PPFIBP2: variants seen among roughly 807,000 people sequenced by gnomAD.
The protein encoded by PPFIBP2 is PPFIB scaffold protein 2.
In PPFIBP2, 118 loss-of-function variants were observed where a neutral mutation model predicts 118.3. The ratio of observed to expected loss-of-function variants is 1.00; its 90% CI spans 0.86 to 1.16. PPFIBP2 has a LOEUF of 1.16. Ranked by LOEUF, PPFIBP2 falls within the 50% of genes most tolerant of loss-of-function variation. The pLI, the probability that PPFIBP2 is intolerant of heterozygous loss-of-function variation, is 0.00. For synonymous variants in PPFIBP2, 414 were observed against 397.4 expected, an observed-to-expected ratio of 1.04 and a Z score of -0.50; for missense variants, 1,195 against 1,073.1, an observed-to-expected ratio of 1.11 and a Z score of -1.59.
rs1854364466 is a variant in PPFIBP2 at position 7,653,449 on chromosome 11, A to G, written c.*231A>G. The G allele has an allele frequency of 2.7e-6, 4 of 1,494,848 alleles. No homozygotes were observed. In the South Asian group the frequency reaches 4.9e-5, roughly 18 times the overall value. 92.6% of individuals were successfully genotyped at this position (1,494,848 alleles called of 1,614,324 possible). A position where few individuals can be genotyped will look rare whatever the true frequency, so the allele number is the denominator to read the frequency against. On this transcript the variant is annotated 3_prime_UTR_variant, in exon 24 of 24. Coordinates refer to ENST00000299492, the MANE Select transcript of PPFIBP2 (RefSeq NM_003621.5). ...TTGCCAAAGGTGGACTCAGGAGGAA[A>G]GACACTTAAAGACACTTTTACATGT...
intron 7 of PPFIBP2, among the ~76,000 whole-genome samples, chr11:7,623,079 C>T (rs879296794): frequency 6.6e-6 from 1 of 152,184 alleles, no homozygotes; most frequent in Non-Finnish European, 1.5e-5. Flanking sequence ...AACAGAGGCT[C>T]AGCGTGGCCA....
chr11:7,569,238 A>G (rs1855376630), intron 3 of PPFIBP2, among the ~76,000 whole-genome samples: 1 of 152,206 alleles, frequency 6.6e-6, no homozygotes, highest in Non-Finnish European at 1.5e-5. Flanking sequence ...GTCCTGGCAG[A>G]GCTAAAGCAC....
intron 1 of PPFIBP2, among the ~76,000 whole-genome samples, chr11:7,525,164 C>T (rs970444316): frequency 6.6e-6 from 1 of 152,170 alleles, no homozygotes; most frequent in Non-Finnish European, 1.5e-5. Context: ...CTCCCTAACT[C>T]CTGTGGGCCC....
intron 3 of PPFIBP2, among the ~76,000 whole-genome samples, chr11:7,579,030 A>G (rs1856863768): frequency 6.6e-6 from 1 of 151,282 alleles, no homozygotes; most frequent in African/African-American, 2.4e-5. Context: ...CAGGGAAGTG[A>G]CATGGGATAC....
In PPFIBP2 at chr11:7,565,708, C is replaced by T; in HGVS notation, c.220C>T (p.Leu74=). 6.2e-7 allele frequency: 1 copy of T among 1,614,196 alleles called. No individual in the cohort carries two copies. The highest frequency in any genetic ancestry group is 8.5e-7 in the Non-Finnish European group (1 of 1,180,016). ...GCTTCCTCAGGAGAGAGCAGCCCTC[C>T]TGAGCCAGATCCCTGGCCCAACAGC... The part of the protein sequence containing the change: ...LELPQERAAL[L]SQIPGPTAAY... The change falls in exon 3 of 24, where the codon CTG becomes TTG. Residue 74 remains leucine (L), a synonymous_variant. Coordinates refer to ENST00000299492, the MANE Select transcript of PPFIBP2 (RefSeq NM_003621.5).
intron 1 of PPFIBP2, among the ~76,000 whole-genome samples, chr11:7,542,639 C>A (rs953111603): frequency 6.6e-6 from 1 of 152,182 alleles, no homozygotes; most frequent in African/African-American, 2.4e-5. Flanking sequence ...TAAACAAAGT[C>A]TTCACCAATT....
chr11:7,652,501 C>G (rs749587102), intron 23 of PPFIBP2, among the ~76,000 whole-genome samples: 15 of 152,220 alleles, frequency 9.9e-5, no homozygotes, highest in Non-Finnish European at 2.2e-4. Context: ...CCAGCTACAA[C>G]TCAGGCACAG....
chr11:7,650,858 G>A lies in PPFIBP2; in HGVS notation c.2140G>A (p.Glu714Lys). ...PADESNLSPS[E>K]VVQWSNHRVM... ...CTGACAGAGTAACCTTTCTCCTTCA[G>A]AAGTTGTACAGTGGTCCAACCACAG... Residue 714 changes from glutamate to lysine, a missense_variant, in exon 22 of 24, where the codon GAA (glutamate) becomes AAA (lysine). Physicochemically the swap from Glu to Lys is moderately conservative, Grantham distance 56. Transcript: ENST00000299492. The A allele has an allele frequency of 6.2e-7, 1 of 1,613,940 alleles. No homozygotes were observed. Among genetic ancestry groups the A allele is most frequent in the Non-Finnish European group, 8.5e-7 (1 of 1,179,882 alleles).
At position 7,554,799 on chromosome 11, in the gene PPFIBP2, T is replaced by TGG. The variant is rs1221648845; in HGVS notation, c.64+5260_64+5261insGG. ...TGAATCCCAGGTGACTAGACTAGAC[T>TGG]AGACTAGACTAGACTAGATTGGGTC... On this transcript the variant is annotated intron_variant, in intron 2 of 23. Coordinates refer to ENST00000299492, the MANE Select transcript of PPFIBP2 (RefSeq NM_003621.5). Among the ~76,000 whole-genome samples the TGG allele has an allele frequency of 4.6e-3, 691 of 151,762 alleles. 4 individuals are homozygous for TGG. Among genetic ancestry groups the TGG allele is most frequent in the African/African-American group, 0.015 (610 of 41,152 alleles).
At position 7,651,070 on chromosome 11, in the gene PPFIBP2, C is replaced by T. The variant is rs1176624328; in HGVS notation, c.2247+105C>T. 5.4e-5 allele frequency: 67 copies of T among 1,237,784 alleles called. No homozygotes were observed. The East Asian group carries it at 1.5e-3, about 29-fold the overall frequency. The allele number at this position is 1,237,784 out of a possible 1,614,324, so 76.7% of individuals were successfully genotyped here. Reference sequence around the variant, plus strand: ...AAAAGCTAACGAAAAAAAATAGGTACTTCATCTGGAGGTCTTGCATAATTT... The same window carrying T: ...AAAAGCTAACGAAAAAAAATAGGTATTTCATCTGGAGGTCTTGCATAATTT... On this transcript the variant is annotated intron_variant, in intron 22 of 23. Transcript: ENST00000299492.
At chr11:7,621,282 C>T (rs986802800) in intron 7 of PPFIBP2, among the ~76,000 whole-genome samples, 1 of 152,260 alleles carries the variant, frequency 6.6e-6, no homozygotes, top group East Asian at 1.9e-4. Flanking sequence ...CCCCATAGCA[C>T]CTGGCTGAAG....
chr11:7,600,708 G>A (rs979115822), intron 5 of PPFIBP2, among the ~76,000 whole-genome samples: 1 of 152,312 alleles, frequency 6.6e-6, no homozygotes, highest in Non-Finnish European at 1.5e-5. Flanking sequence ...GGGGTTTGCT[G>A]CTCCTGATAA....
chr11:7,545,689 A>G (rs1438363328), intron 1 of PPFIBP2, among the ~76,000 whole-genome samples: 1 of 102,906 alleles, frequency 9.7e-6, no homozygotes, highest in Non-Finnish European at 1.9e-5. Flanking sequence ...GGACTACTAT[A>G]ATAAAAAAAG....
chr11:7,522,965 C>T (rs1325090134), intron 1 of PPFIBP2, among the ~76,000 whole-genome samples: 1 of 152,122 alleles, frequency 6.6e-6, no homozygotes, highest in African/African-American at 2.4e-5. Context: ...CACATCCAGC[C>T]AGTTCATGAG....
chr11:7,582,920 C>G (rs1857499849), intron 3 of PPFIBP2, among the ~76,000 whole-genome samples: 1 of 152,190 alleles, frequency 6.6e-6, no homozygotes, highest in Admixed American at 6.5e-5. Context: ...TCAGCTCCTC[C>G]CTGCCTATCT....
chr11:7,582,757 C>T (rs1857468239), intron 3 of PPFIBP2, among the ~76,000 whole-genome samples: 1 of 151,560 alleles, frequency 6.6e-6, no homozygotes, highest in Admixed American at 6.6e-5. Context: ...TGAGTCTCTT[C>T]ACCCTCCCTC....
chr11:7,607,184 A>T (rs1253116053), intron 5 of PPFIBP2, among the ~76,000 whole-genome samples: 1 of 146,576 alleles, frequency 6.8e-6, no homozygotes, highest in Non-Finnish European at 1.5e-5. Flanking sequence ...TGCTGGGATT[A>T]CAGGCGTGAG....
intron 3 of PPFIBP2, among the ~76,000 whole-genome samples, chr11:7,585,536 A>G (rs1009765024): frequency 6.6e-6 from 1 of 152,206 alleles, no homozygotes; most frequent in Non-Finnish European, 1.5e-5. Flanking sequence ...CTCATCCAGC[A>G]TCCCTGAGGT....
intron 9 of PPFIBP2, among the ~76,000 whole-genome samples, chr11:7,628,796 C>T (rs1341967235): frequency 4.6e-5 from 7 of 152,180 alleles, no homozygotes; most frequent in Non-Finnish European, 1.0e-4. Flanking sequence ...TCATAAATAG[C>T]CACCTCTATA....
Sources: allele counts gnomAD v4.1 joint callset (sites outside exome capture counted in the v4.1 genomes callset), GRCh38; gene constraint gnomAD v4.1.1; transcripts MANE v1.5; gene names NCBI Gene and HGNC (gene_info 2026-07-23, HGNC 2026-07-21).